Variants in STX8 observed in about 807,000 individuals in gnomAD.
STX8 encodes the protein syntaxin 8, also known as syntaxin-8.
STX8 carries 23 observed loss-of-function variants against 37.5 expected under a neutral mutation model. That is an observed-to-expected ratio of 0.61 (90% confidence interval 0.44 to 0.87). The LOEUF (loss-of-function observed/expected upper bound fraction) is 0.87. Ranked by LOEUF, STX8 falls within the 40% of genes least tolerant of loss-of-function variation. The probability of loss-of-function intolerance (pLI) is 0.00; values close to 1 mark genes in which losing one functional copy is unlikely to be tolerated. For synonymous variants in STX8, 115 were observed against 99.1 expected (o/e 1.16, Z -0.95); for missense variants, 313 against 284.7 (o/e 1.10, Z -0.71).
At chr17:9,544,757 C>T (rs1272065125) in intron 4 of STX8, among the ~76,000 whole-genome samples, 1 of 152,160 alleles carries the variant, frequency 6.6e-6, no homozygotes, top group African/African-American at 2.4e-5. Flanking sequence ...CTTTGGGAGG[C>T]CAAGGCGGGC....
At chr17:9,346,510 A>T (rs530488265) in intron 7 of STX8, among the ~76,000 whole-genome samples, 2 of 152,282 alleles carry the variant, frequency 1.3e-5, no homozygotes, top group African/African-American at 2.4e-5. Flanking sequence ...ATGACCACAA[A>T]CCACTAACCC....
chr17:9,440,683 C>G (rs1197720412), intron 6 of STX8, among the ~76,000 whole-genome samples: 1 of 152,088 alleles, frequency 6.6e-6, no homozygotes, highest in Admixed American at 6.5e-5. Flanking sequence ...GACCACCACG[C>G]TCAGCTAATT....
intron 6 of STX8, among the ~76,000 whole-genome samples, chr17:9,479,589 T>A (rs773273888): frequency 2.7e-4 from 40 of 148,466 alleles, no homozygotes; most frequent in Non-Finnish European, 5.3e-4. Context: ...TATTCATGTA[T>A]TTTAAATTTA....
intron 7 of STX8, among the ~76,000 whole-genome samples, chr17:9,261,361 C>A (rs1907027156): frequency 6.6e-6 from 1 of 152,212 alleles, no homozygotes; most frequent in African/African-American, 2.4e-5. Flanking sequence ...GACTCACCCA[C>A]ACTAGAACTG....
chr17:9,328,700 A>T (rs1465123216), intron 7 of STX8, among the ~76,000 whole-genome samples: 3 of 152,160 alleles, frequency 2.0e-5, no homozygotes, highest in Admixed American at 2.0e-4. Context: ...AGTTCAGGGA[A>T]ATCCACCTCA....
intron 6 of STX8, among the ~76,000 whole-genome samples, chr17:9,450,542 C>G (rs1846645701): frequency 6.6e-6 from 1 of 151,422 alleles, no homozygotes; most frequent in African/African-American, 2.4e-5. Context: ...TCAAACGATC[C>G]TCCAGCCTCA....
chr17:9,315,100 CAA>C (rs58632329), intron 7 of STX8, among the ~76,000 whole-genome samples: 3,027 of 108,924 alleles, frequency 0.028, 67 homozygotes, highest in African/African-American at 0.083. Flanking sequence ...GACTCTGTCT[CAA>C]AAAAAAAAAA....
Position 9,274,372 on chromosome 17 carries a change from CAA to C in STX8, c.644-23729_644-23728del, listed in dbSNP as rs1413097425. Among the ~76,000 whole-genome samples the C allele has an allele frequency of 4.6e-5, 7 of 152,042 alleles. No homozygotes were observed. In the East Asian group the frequency reaches 1.2e-3, roughly 25 times the overall value. Reference sequence around the variant, plus strand: ...CGAGTGATATAGACATTTGTTTAAACAAAGTCTTCAGGCCGGGCGCGGTGGCT... The same window carrying C: ...CGAGTGATATAGACATTTGTTTAAACAGTCTTCAGGCCGGGCGCGGTGGCT... On this transcript the variant is annotated intron_variant, in intron 7 of 7. Coordinates refer to ENST00000306357, the MANE Select transcript of STX8 (RefSeq NM_004853.3).
rs191855390 is a variant in STX8 at position 9,348,192 on chromosome 17, G to A, written c.643+30360C>T. Among the ~76,000 whole-genome samples the A allele has an allele frequency of 5.0e-3, 754 of 152,114 alleles. 5 individuals carry two copies. Among genetic ancestry groups the A allele is most frequent in the Non-Finnish European group, 7.9e-3 (538 of 67,994 alleles). ...TGTAATCCCAGCACTTTGGGAAGCC[G>A]AGGTGGGCAGATCACAAGGTCAGGA... On this transcript the variant is annotated intron_variant, in intron 7 of 7. Coordinates refer to ENST00000306357, the MANE Select transcript of STX8 (RefSeq NM_004853.3).
chr17:9,550,466 C>T (rs1268284873), intron 3 of STX8, among the ~76,000 whole-genome samples: 1 of 151,414 alleles, frequency 6.6e-6, no homozygotes, highest in Non-Finnish European at 1.5e-5. Flanking sequence ...CCCAGCTACT[C>T]GGGAGGCTAA....
At chr17:9,463,500 G>A (rs1216909078) in intron 6 of STX8, among the ~76,000 whole-genome samples, 1 of 152,138 alleles carries the variant, frequency 6.6e-6, no homozygotes, top group Non-Finnish European at 1.5e-5. Flanking sequence ...CAGGCTGGGT[G>A]CGGTGGCTCA....
At chr17:9,303,206 G>A (rs1244147505) in intron 7 of STX8, among the ~76,000 whole-genome samples, 2 of 152,104 alleles carry the variant, frequency 1.3e-5, no homozygotes, top group Admixed American at 6.5e-5. Context: ...CAGGAGAATC[G>A]CTTGAACCCA....
chr17:9,521,803 G>A (rs1208565042), intron 4 of STX8, among the ~76,000 whole-genome samples: 1 of 152,076 alleles, frequency 6.6e-6, no homozygotes, highest in Non-Finnish European at 1.5e-5. Context: ...TATTAGTCCA[G>A]AACAAATAAG....
At chr17:9,331,224 A>G (rs1909952515) in intron 7 of STX8, among the ~76,000 whole-genome samples, 1 of 152,334 alleles carries the variant, frequency 6.6e-6, no homozygotes, top group Non-Finnish European at 1.5e-5. Flanking sequence ...ATGTACATAT[A>G]TCACATAAGG....
intron 6 of STX8, among the ~76,000 whole-genome samples, chr17:9,476,444 CTTTTCTTTTTT>C (rs529077534): frequency 5.9e-4 from 90 of 151,272 alleles, no homozygotes; most frequent in South Asian, 1.0e-3. Flanking sequence ...GTTGTTTCTT[CTTTTCTTTTTT>C]TTTTCTTTTT....
At chr17:9,401,627 G>T (rs1912620967) in intron 6 of STX8, among the ~76,000 whole-genome samples, 1 of 152,068 alleles carries the variant, frequency 6.6e-6, no homozygotes, top group East Asian at 1.9e-4. Context: ...CAAATTTCAG[G>T]TCTAACTCCA....
chr17:9,342,600 G>C (rs139243181), intron 7 of STX8, among the ~76,000 whole-genome samples: 3 of 152,302 alleles, frequency 2.0e-5, no homozygotes, highest in Non-Finnish European at 4.4e-5. Flanking sequence ...CTGGCTTCTT[G>C]TCTGGGTTTC....
At chr17:9,282,414 G>A (rs78167540) in intron 7 of STX8, among the ~76,000 whole-genome samples, 141 of 152,334 alleles carry the variant, frequency 9.3e-4, no homozygotes, top group African/African-American at 3.2e-3. Context: ...GATTACAGGC[G>A]TGAGCCACTG....
intron 4 of STX8, among the ~76,000 whole-genome samples, chr17:9,534,307 T>C (rs1450935499): frequency 6.6e-6 from 1 of 151,598 alleles, no homozygotes; most frequent in Non-Finnish European, 1.5e-5. Context: ...AAGAAGACGT[T>C]ACTGAAAGAC....
Sources: gnomAD v4.1 joint callset for allele counts (sites outside exome capture counted in the v4.1 genomes callset) on GRCh38, gnomAD v4.1.1 for gene constraint, MANE v1.5 for transcripts, NCBI Gene and HGNC (gene_info 2026-07-23, HGNC 2026-07-21) for gene names.